Variants in RAB3C observed in about 807,000 individuals in gnomAD.
RAB3C encodes the protein RAB3C, member RAS oncogene family.
Under a neutral mutation model 26.4 loss-of-function variants are expected in RAB3C, and 17 were observed. The ratio of observed to expected loss-of-function variants is 0.64; its 90% confidence interval spans 0.44 to 0.97. The LOEUF (loss-of-function observed/expected upper bound fraction) is 0.97. Among genes scored for constraint, RAB3C ranks in the 50% least tolerant of loss-of-function variants. The pLI is 0.00. For missense variants in RAB3C, 242 were observed against 281.9 expected, an observed-to-expected ratio of 0.86 and a Z score of 1.01; for synonymous variants, 91 against 95.9, an observed-to-expected ratio of 0.95 and a Z score of 0.30.
intron 3 of RAB3C, among the ~76,000 whole-genome samples, chr5:58,806,360 A>G (rs1428551078): frequency 6.6e-6 from 1 of 152,164 alleles, no homozygotes; most frequent in Non-Finnish European, 1.5e-5. Flanking sequence ...CTAATGAGGA[A>G]GAAGGAACTC....
chr5:58,721,929 C>A (rs1293557518), intron 2 of RAB3C, among the ~76,000 whole-genome samples: 1 of 150,950 alleles, frequency 6.6e-6, no homozygotes, highest in East Asian at 1.9e-4. Context: ...TATCTGAAAG[C>A]TTCTATTTTT....
intron 4 of RAB3C, among the ~76,000 whole-genome samples, chr5:58,831,864 A>C (rs1200706672): frequency 6.6e-6 from 1 of 152,226 alleles, no homozygotes; most frequent in South Asian, 2.1e-4. Flanking sequence ...GATCTTGGCT[A>C]CACATTTCAG....
At chr5:58,799,145 T>C (rs1392766811) in intron 3 of RAB3C, among the ~76,000 whole-genome samples, 1 of 152,128 alleles carries the variant, frequency 6.6e-6, no homozygotes, top group African/African-American at 2.4e-5. Context: ...GCAACTGAAG[T>C]TATGGAGGAG....
intron 2 of RAB3C, among the ~76,000 whole-genome samples, chr5:58,652,506 T>C (rs1188888356): frequency 6.6e-6 from 1 of 151,976 alleles, no homozygotes; most frequent in Non-Finnish European, 1.5e-5. Flanking sequence ...TTGCATGAAC[T>C]GTACAGTCAG....
At chr5:58,587,206 A>G (rs776381720) in intron 1 of RAB3C, among the ~76,000 whole-genome samples, 2 of 152,174 alleles carry the variant, frequency 1.3e-5, no homozygotes, top group Non-Finnish European at 2.9e-5. Context: ...CAAAATTATC[A>G]TAATTTTCTG....
Position 58,583,134 on chromosome 5 carries a change from G to A in RAB3C, c.-75G>A. ...GAGTGCAGAGTGTGGAGCGTGGAGC[G>A]CCGGGACTGTGCACGCTTGACCGGA... On this transcript the variant is annotated 5_prime_UTR_variant, in exon 1 of 5. Coordinates refer to ENST00000282878, the MANE Select transcript of RAB3C (RefSeq NM_138453.4). 1 of 1,610,406 alleles carries A rather than the reference G, an allele frequency of 6.2e-7. No individual in the cohort carries two copies. The highest frequency in any genetic ancestry group is 8.5e-7 in the Non-Finnish European group (1 of 1,178,762).
intron 3 of RAB3C, among the ~76,000 whole-genome samples, chr5:58,737,144 A>G (rs1278762826): frequency 6.6e-6 from 1 of 151,710 alleles, no homozygotes; most frequent in Non-Finnish European, 1.5e-5. Flanking sequence ...CTTCTTTGCT[A>G]TTCCTAGAAC....
chr5:58,593,659 G>T (rs1419281058), intron 1 of RAB3C, among the ~76,000 whole-genome samples: 2 of 152,144 alleles, frequency 1.3e-5, no homozygotes, highest in African/African-American at 4.8e-5. Flanking sequence ...GCCAACTTAT[G>T]TATTCCTTAA....
chr5:58,633,802 T>A (rs1290173135), intron 2 of RAB3C, among the ~76,000 whole-genome samples: 2 of 152,082 alleles, frequency 1.3e-5, no homozygotes, highest in Non-Finnish European at 2.9e-5. Context: ...AGAGTTATGA[T>A]CATGCTCGTT....
intron 4 of RAB3C, among the ~76,000 whole-genome samples, chr5:58,843,295 C>T (rs1895425): frequency 0.84 from 127,482 of 152,206 alleles, 54,107 homozygotes; most frequent in Middle Eastern, 0.93. Context: ...TATGTATCCT[C>T]CACAGCAAAA....
At chr5:58,606,623 G>A (rs758708956) in intron 1 of RAB3C, among the ~76,000 whole-genome samples, 1 of 152,160 alleles carries the variant, frequency 6.6e-6, no homozygotes, top group Non-Finnish European at 1.5e-5. Flanking sequence ...TAGCCTAACT[G>A]GGAGACACCT....
chr5:58,662,066 C>T (rs1481491118), intron 2 of RAB3C, among the ~76,000 whole-genome samples: 1 of 149,740 alleles, frequency 6.7e-6, no homozygotes, highest in Non-Finnish European at 1.5e-5. Context: ...GAAGGGAGGT[C>T]CTTTTTAATT....
intron 4 of RAB3C, among the ~76,000 whole-genome samples, chr5:58,845,638 A>T (rs527812): frequency 9.5e-6 from 1 of 105,562 alleles, no homozygotes; most frequent in Non-Finnish European, 1.8e-5. Flanking sequence ...GTGTATATGT[A>T]TATATACATA....
intron 2 of RAB3C, among the ~76,000 whole-genome samples, chr5:58,628,942 A>G (rs79635788): frequency 0.034 from 4,962 of 144,776 alleles, 150 homozygotes; most frequent in African/African-American, 0.086. Flanking sequence ...TAATCCTGAC[A>G]CTTTGGGAGG....
chr5:58,675,615 C>CTTTTTTT (rs1195191076), intron 2 of RAB3C, among the ~76,000 whole-genome samples: 30 of 89,316 alleles, frequency 3.4e-4, no homozygotes, highest in Non-Finnish European at 5.0e-4. Flanking sequence ...GGCCATTTGT[C>CTTTTTTT]TTTTTTTTTT....
rs1294848106 is a variant in RAB3C at position 58,855,102 on chromosome 5, T to G, written c.*3751T>G. On this transcript the variant is annotated 3_prime_UTR_variant, in exon 5 of 5. Coordinates refer to ENST00000282878, the MANE Select transcript of RAB3C (RefSeq NM_138453.4). ...TAATCAGTGGTTCATTGTGATGTGC[T>G]TTATCCAACATGTATCTTAGTGCAT... 3.3e-5 allele frequency: 5 copies of G among 152,182 alleles called. No homozygotes were observed. Among genetic ancestry groups the G allele is most frequent in the Non-Finnish European group, 7.3e-5 (5 of 68,034 alleles). The allele number at this position is 152,182 out of a possible 1,614,324, so 9.4% of individuals were successfully genotyped here.
At chr5:58,641,382 G>C (rs920839335) in intron 2 of RAB3C, among the ~76,000 whole-genome samples, 2 of 152,216 alleles carry the variant, frequency 1.3e-5, no homozygotes, top group Non-Finnish European at 2.9e-5. Flanking sequence ...AGCTCCGCCA[G>C]TGTGCGTGGT....
At chr5:58,823,640 T>A (rs1198841578) in intron 3 of RAB3C, 1 of 209,352 alleles carries the variant, frequency 4.8e-6, no homozygotes, top group Admixed American at 4.2e-5. Context: ...AAATGTCCCA[T>A]GCCCAGAAGA....
chr5:58,653,565 T>C (rs1027451382), intron 2 of RAB3C, among the ~76,000 whole-genome samples: 2 of 152,180 alleles, frequency 1.3e-5, no homozygotes, highest in African/African-American at 4.8e-5. Flanking sequence ...CCATCAATTA[T>C]AGACTGGATA....
Sources: gnomAD v4.1 joint callset for allele counts (sites outside exome capture counted in the v4.1 genomes callset) on GRCh38, gnomAD v4.1.1 for gene constraint, MANE v1.5 for transcripts, NCBI Gene and HGNC (gene_info 2026-07-23, HGNC 2026-07-21) for gene names.